The following PCLO variants were observed in gnomAD, a reference collection of about 807,000 sequenced individuals.
The protein encoded by PCLO is protein piccolo.
A neutral mutation model predicts 427.5 loss-of-function variants in PCLO; 82 were observed. That is an observed-to-expected ratio of 0.19 (90% CI 0.16 to 0.23). The LOEUF is 0.23. PCLO is among the 10% of genes least tolerant of loss of function. The pLI is 1.00. For synonymous variants in PCLO, 2,357 were observed against 2,155.4 expected (o/e 1.09, Z -2.59); for missense variants, 6,239 against 6,115.9 (o/e 1.02, Z -0.67).
At chr7:82,782,293 G>A (rs1790889589) in intron 22 of PCLO, among the ~76,000 whole-genome samples, 1 of 152,174 alleles carries the variant, frequency 6.6e-6, no homozygotes, top group South Asian at 2.1e-4. Context: ...TCTGTTGCTT[G>A]TTGTGGTGTG....
chr7:82,820,223 C>T (rs950680681), intron 20 of PCLO, among the ~76,000 whole-genome samples: 6 of 152,136 alleles, frequency 3.9e-5, no homozygotes, highest in African/African-American at 1.4e-4. Context: ...GAAGTGTTGC[C>T]TAGGGCAGCC....
At chr7:82,912,387 TAAAC>T (rs1324138999) in intron 7 of PCLO, among the ~76,000 whole-genome samples, 2 of 151,818 alleles carry the variant, frequency 1.3e-5, no homozygotes, top group Non-Finnish European at 2.9e-5. Flanking sequence ...ATGTGATACA[TAAAC>T]AAAGAAAATA....
chr7:83,124,955 C>T (rs1258947318), intron 3 of PCLO, among the ~76,000 whole-genome samples: 4 of 152,154 alleles, frequency 2.6e-5, no homozygotes, highest in African/African-American at 9.7e-5. Context: ...GCGGTTTCGC[C>T]GTGTTGGCCG....
chr7:82,830,964 T>G (rs924036472), intron 16 of PCLO, among the ~76,000 whole-genome samples: 2 of 152,086 alleles, frequency 1.3e-5, no homozygotes, highest in Admixed American at 6.6e-5. Flanking sequence ...GAATTGTAGA[T>G]GTCTATCAAC....
intron 6 of PCLO, among the ~76,000 whole-genome samples, chr7:82,940,081 C>A (rs1011458877): frequency 1.3e-5 from 2 of 152,146 alleles, no homozygotes; most frequent in Non-Finnish European, 2.9e-5. Flanking sequence ...CAGTTCTACA[C>A]ATCCAATGTC....
At chr7:83,080,707 G>A (rs1583995641) in intron 3 of PCLO, among the ~76,000 whole-genome samples, 1 of 151,894 alleles carries the variant, frequency 6.6e-6, no homozygotes, top group East Asian at 1.9e-4. Context: ...TATTTTTAAT[G>A]TTTCCTGGAT....
At chr7:82,770,810 A>G (rs1353224634) in intron 22 of PCLO, among the ~76,000 whole-genome samples, 3 of 151,902 alleles carry the variant, frequency 2.0e-5, no homozygotes, top group Admixed American at 6.6e-5. Context: ...GTAGCAAAGC[A>G]AGCTACTCGA....
chr7:83,021,452 T>G (rs1471294962), intron 3 of PCLO, among the ~76,000 whole-genome samples: 1 of 152,188 alleles, frequency 6.6e-6, no homozygotes, highest in African/African-American at 2.4e-5. Flanking sequence ...TGGTCCTCAG[T>G]TTCTTATTTA....
chr7:82,829,115 A>T (rs1792026496), intron 16 of PCLO, among the ~76,000 whole-genome samples: 1 of 152,172 alleles, frequency 6.6e-6, no homozygotes. Flanking sequence ...ATTGTAGAGA[A>T]AGCTATTGAG....
chr7:83,094,215 T>TTTC (rs1331882353), intron 3 of PCLO, among the ~76,000 whole-genome samples: 2 of 147,490 alleles, frequency 1.4e-5, no homozygotes, highest in Non-Finnish European at 1.5e-5. Flanking sequence ...TTTTTCTTTT[T>TTTC]TTTTTTTTTT....
rs748845149 is a variant in PCLO, at chr7:82,956,941, C to T, written c.4018-6G>A. 1 of 1,577,822 alleles carries T rather than the reference C, an allele frequency of 6.3e-7. No homozygotes were observed. Among genetic ancestry groups the T allele is most frequent in the Non-Finnish European group, 8.6e-7 (1 of 1,163,230 alleles). ...GATTTGTCATCTTCCTTTTCCTAAG[C>T]AGGGAGATAAAGATACAGGAAAACT... is the stretch of plus-strand genomic sequence containing the variant. On this transcript the variant is annotated splice_polypyrimidine_tract_variant and splice_region_variant and intron_variant, in intron 4 of 24. Transcript: ENST00000333891.
chr7:82,878,575 T>C (rs1214531766), intron 10 of PCLO, among the ~76,000 whole-genome samples: 1 of 152,158 alleles, frequency 6.6e-6, no homozygotes, highest in African/African-American at 2.4e-5. Flanking sequence ...TTGAAAATTT[T>C]CATTATGTAT....
At chr7:83,013,875 G>T (rs1378546506) in intron 3 of PCLO, among the ~76,000 whole-genome samples, 3 of 152,136 alleles carry the variant, frequency 2.0e-5, no homozygotes, top group Non-Finnish European at 4.4e-5. Context: ...CATATTATGT[G>T]AAGTATTCTT....
At chr7:83,118,934 G>A (rs999405566) in intron 3 of PCLO, among the ~76,000 whole-genome samples, 1 of 151,986 alleles carries the variant, frequency 6.6e-6, no homozygotes, top group Non-Finnish European at 1.5e-5. Flanking sequence ...AGTATAGCTC[G>A]GGGAGTGACT....
At chr7:83,046,483 G>T (rs1162034097) in intron 3 of PCLO, among the ~76,000 whole-genome samples, 5 of 151,918 alleles carry the variant, frequency 3.3e-5, no homozygotes, top group Non-Finnish European at 7.4e-5. Context: ...TAGTTCCCCA[G>T]AACTTTTTCA....
chr7:82,963,717 A>T (rs139420214), intron 4 of PCLO, among the ~76,000 whole-genome samples: 1 of 152,090 alleles, frequency 6.6e-6, no homozygotes, highest in East Asian at 1.9e-4. Flanking sequence ...AAGGTGATCA[A>T]ATGTATCTGT....
intron 20 of PCLO, 112 bp downstream of exon 20, chr7:82,822,382 AG>A: frequency 2.5e-6 from 4 of 1,592,836 alleles, no homozygotes; most frequent in Non-Finnish European, 1.7e-6. Context: ...GACAGAGAAC[AG>A]GGTGAGCAGA....
At position 82,951,197 on chromosome 7, in the gene PCLO, G is replaced by T; in HGVS notation, c.9391C>A (p.Pro3131Thr). 4 of 1,613,696 alleles carry T rather than the reference G, an allele frequency of 2.5e-6. No homozygotes were observed. Among genetic ancestry groups the T allele is most frequent in the Non-Finnish European group, 3.4e-6 (4 of 1,179,756 alleles). ...IHTADAVTSL[P>T]AMHHSQPMPR... ...ATTGGCTGGCTATGGTGCATGGCAG[G>T]TAATGAAGTCACTGCATCAGCCGTA... is the stretch of plus-strand genomic sequence containing the variant. Residue 3131 changes from proline to threonine, a missense_variant, in exon 6 of 25, where the codon CCT (proline) becomes ACT (threonine). Coordinates refer to ENST00000333891, the MANE Select transcript of PCLO (RefSeq NM_033026.6).
At position 82,774,086 on chromosome 7, in the gene PCLO, G is replaced by A. The variant is rs552728563; in HGVS notation, c.15008-12593C>T. ...AAGGTAGTAATGGCTTTTTGTTGGG[G>A]TTAGTTCCTGTGTGCTTGCTTCATC... On this transcript the variant is annotated intron_variant, in intron 22 of 24. Coordinates refer to ENST00000333891, the MANE Select transcript of PCLO (RefSeq NM_033026.6). Among the ~76,000 whole-genome samples the A allele has an allele frequency of 7.9e-5, 12 of 152,236 alleles. No individual in the cohort carries two copies. In the South Asian group the frequency reaches 1.9e-3, roughly 24 times the overall value.
Sources: gnomAD v4.1 joint callset for allele counts (sites outside exome capture counted in the v4.1 genomes callset) on GRCh38, gnomAD v4.1.1 for gene constraint, MANE v1.5 for transcripts, NCBI Gene and HGNC (gene_info 2026-07-23, HGNC 2026-07-21) for gene names.